The following VAT1L variants were observed in gnomAD, a reference collection of about 807,000 sequenced individuals.
VAT1L encodes the protein putative NADPH-dependent quinone oxidoreductase VAT1L.
Under a neutral mutation model 44.1 loss-of-function variants are expected in VAT1L, and 34 were observed. The ratio of observed to expected loss-of-function variants is 0.77; its 90% confidence interval spans 0.59 to 1.03. The LOEUF (loss-of-function observed/expected upper bound fraction) is 1.03, where lower values mean the gene tolerates loss of function less well. Among genes scored for constraint, VAT1L ranks in the 50% least tolerant of loss-of-function variants. VAT1L has a pLI of 0.00. For missense variants in VAT1L, 615 were observed against 538.8 expected (o/e 1.14, Z -1.40); for synonymous variants, 253 against 202.2 (o/e 1.25, Z -2.13).
Position 77,876,385 on chromosome 16 carries a change from T to TGG in VAT1L, c.739_740insGG (p.Val247GlyfsTer36). On this transcript the variant is annotated frameshift_variant, in exon 5 of 9. Transcript: ENST00000302536. LOFTEE classifies it high-confidence loss of function. Reference sequence around the variant, plus strand: ...CACCATTTAGAATCTCTGCTGAAGGTGTGGACATCGTTTTGGATTGCCTCT... The same window carrying TGG: ...CACCATTTAGAATCTCTGCTGAAGGTGGGTGGACATCGTTTTGGATTGCCTCT... 6.2e-7 allele frequency: 1 copy of TGG among 1,614,168 alleles called. No homozygotes were observed. The highest frequency in any genetic ancestry group is 8.5e-7 in the Non-Finnish European group (1 of 1,180,018).
intron 5 of VAT1L, among the ~76,000 whole-genome samples, chr16:77,878,947 G>A (rs535648812): frequency 3.3e-5 from 5 of 152,192 alleles, no homozygotes; most frequent in East Asian, 1.9e-4. Context: ...GTAATAAGAC[G>A]GTCATCATGA....
chr16:77,810,940 C>T (rs1456932976), intron 1 of VAT1L, among the ~76,000 whole-genome samples: 1 of 152,146 alleles, frequency 6.6e-6, no homozygotes, highest in African/African-American at 2.4e-5. Context: ...TTTGCACCAA[C>T]CTAATAAAAC....
intron 7 of VAT1L, among the ~76,000 whole-genome samples, chr16:77,964,317 A>C (rs1192327858): frequency 3.3e-5 from 5 of 152,144 alleles, no homozygotes; most frequent in African/African-American, 1.2e-4. Context: ...AAAGCCCAAA[A>C]ATCAAGGTGT....
chr16:77,848,834 T>A (rs1013135381), intron 3 of VAT1L, among the ~76,000 whole-genome samples: 5 of 152,080 alleles, frequency 3.3e-5, no homozygotes, highest in Non-Finnish European at 7.3e-5. Flanking sequence ...ATGTGGCACA[T>A]ATACACCATG....
intron 7 of VAT1L, among the ~76,000 whole-genome samples, chr16:77,931,772 C>G (rs986193033): frequency 1.3e-5 from 2 of 152,186 alleles, no homozygotes; most frequent in African/African-American, 4.8e-5. Context: ...ATATATTGAT[C>G]TTACTAAATG....
chr16:77,812,626 T>C (rs1312256484), intron 1 of VAT1L, among the ~76,000 whole-genome samples: 1 of 152,212 alleles, frequency 6.6e-6, no homozygotes, highest in Non-Finnish European at 1.5e-5. Context: ...CGAATTTTAA[T>C]GAGATGTGTA....
chr16:77,976,608 G>T (rs986553355), intron 8 of VAT1L, among the ~76,000 whole-genome samples: 9 of 152,184 alleles, frequency 5.9e-5, no homozygotes, highest in African/African-American at 1.9e-4. Flanking sequence ...GAACAGAAAA[G>T]AAATCTGAGG....
chr16:77,812,749 C>T (rs539162085), intron 1 of VAT1L, among the ~76,000 whole-genome samples: 68 of 152,324 alleles, frequency 4.5e-4, no homozygotes, highest in African/African-American at 1.6e-3. Context: ...TCAGATCCCT[C>T]ATTCTAACTG....
chr16:77,874,631 A>T (rs1407257155), intron 4 of VAT1L, among the ~76,000 whole-genome samples: 1 of 152,016 alleles, frequency 6.6e-6, no homozygotes, highest in African/African-American at 2.4e-5. Context: ...TGCCTCTCTG[A>T]TAGCCCTGAT....
chr16:77,947,665 G>A (rs143420665), intron 7 of VAT1L, among the ~76,000 whole-genome samples: 10 of 152,280 alleles, frequency 6.6e-5, no homozygotes, highest in South Asian at 2.1e-4. Flanking sequence ...TGTCACTCAC[G>A]CCCAGTCCCC....
intron 3 of VAT1L, among the ~76,000 whole-genome samples, chr16:77,829,904 A>G (rs1270244591): frequency 6.6e-6 from 1 of 152,142 alleles, no homozygotes; most frequent in Non-Finnish European, 1.5e-5. Flanking sequence ...AGAGATTACT[A>G]TAGGCAGTAA....
intron 7 of VAT1L, among the ~76,000 whole-genome samples, chr16:77,908,929 AG>A (rs2017469906): frequency 6.6e-6 from 1 of 152,140 alleles, no homozygotes; most frequent in Non-Finnish European, 1.5e-5. Flanking sequence ...CAAAATAAAA[AG>A]ACAGGAAAAG....
intron 7 of VAT1L, among the ~76,000 whole-genome samples, chr16:77,907,091 C>T (rs1232354090): frequency 1.3e-5 from 2 of 152,042 alleles, no homozygotes; most frequent in African/African-American, 2.4e-5. Context: ...CCAGCCCTAG[C>T]GGGGGAAAAA....
chr16:77,838,247 TACCCAAAA>T (rs1401146076), intron 3 of VAT1L, among the ~76,000 whole-genome samples: 2 of 152,168 alleles, frequency 1.3e-5, no homozygotes, highest in Non-Finnish European at 2.9e-5. Flanking sequence ...CCCAGTGACA[TACCCAAAA>T]GGCCACAGTT....
At chr16:77,898,063 C>T (rs540802893) in intron 7 of VAT1L, among the ~76,000 whole-genome samples, 1 of 152,134 alleles carries the variant, frequency 6.6e-6, no homozygotes, top group African/African-American at 2.4e-5. Flanking sequence ...ATGCATCTCT[C>T]TTAGGTCTGG....
In VAT1L at chr16:77,822,982, C is replaced by T. The variant is rs2016476850; in HGVS notation, c.364-2264C>T. On this transcript the variant is annotated intron_variant, in intron 2 of 8. Transcript: ENST00000302536. ...TGATGCTGTCTCCAACTGTCTCATT[C>T]ACCTGAACTCCTCATTACCCAGGTC... Among the ~76,000 whole-genome samples, 3 of 152,248 alleles carry T rather than the reference C, an allele frequency of 2.0e-5. No homozygotes were observed. The South Asian group carries it at 6.2e-4, about 32-fold the overall frequency.
At chr16:77,930,386 A>G (rs1315641767) in intron 7 of VAT1L, among the ~76,000 whole-genome samples, 1 of 152,092 alleles carries the variant, frequency 6.6e-6, no homozygotes, top group Non-Finnish European at 1.5e-5. Context: ...CCATCCATTG[A>G]TCCTATCTCT....
At chr16:77,830,156 T>G (rs376401993) in intron 3 of VAT1L, among the ~76,000 whole-genome samples, 8 of 152,198 alleles carry the variant, frequency 5.3e-5, no homozygotes, top group African/African-American at 1.9e-4. Flanking sequence ...ACCTTCTCAC[T>G]CTACTCAGAA....
chr16:77,892,041 C>A (rs1264205069), intron 7 of VAT1L, among the ~76,000 whole-genome samples: 1 of 152,180 alleles, frequency 6.6e-6, no homozygotes, highest in Non-Finnish European at 1.5e-5. Context: ...CACTGCACTC[C>A]AGCCTGGGTG....
Sources: gnomAD v4.1 joint callset for allele counts (sites outside exome capture counted in the v4.1 genomes callset) on GRCh38, gnomAD v4.1.1 for gene constraint, MANE v1.5 for transcripts, NCBI Gene and HGNC (gene_info 2026-07-23, HGNC 2026-07-21) for gene names.